The following ASTN2 variants were observed in gnomAD, a reference collection of about 807,000 sequenced individuals.
ASTN2 encodes astrotactin-2.
Under a neutral mutation model 139.8 loss-of-function variants are expected in ASTN2, and 54 were observed. The observed-to-expected ratio is 0.39, with a 90% CI of 0.31 to 0.48. ASTN2 has a LOEUF of 0.48. Ranked by LOEUF, ASTN2 falls within the 20% of genes least tolerant of loss-of-function variation. ASTN2 has a pLI of 0.95. For missense variants in ASTN2, 1,565 were observed against 1,725.1 expected (o/e 0.91, Z 1.64); for synonymous variants, 756 against 719.5 (o/e 1.05, Z -0.81).
At chr9:116,729,166 C>T (rs1828711623) in intron 14 of ASTN2, 70 bp from the exon 15 acceptor site, 3 of 1,200,344 alleles carry the variant, frequency 2.5e-6, no homozygotes, top group African/African-American at 1.5e-5. Flanking sequence ...GTTCACCCTG[C>T]AGCTCTTGGC....
intron 1 of ASTN2, among the ~76,000 whole-genome samples, chr9:117,324,298 C>T (rs1467156216): frequency 8.5e-5 from 13 of 152,164 alleles, no homozygotes. Flanking sequence ...TTAGTCCATT[C>T]TCACACTGCT....
At chr9:116,595,583 C>A (rs1368682917) in intron 19 of ASTN2, among the ~76,000 whole-genome samples, 1 of 152,082 alleles carries the variant, frequency 6.6e-6, no homozygotes, top group Non-Finnish European at 1.5e-5. Context: ...CCTCAACCTC[C>A]CAAAGTGCTG....
chr9:116,890,474 G>A (rs1231495182), intron 10 of ASTN2, among the ~76,000 whole-genome samples: 2 of 152,104 alleles, frequency 1.3e-5, no homozygotes, highest in Non-Finnish European at 2.9e-5. Flanking sequence ...GATATCTCAG[G>A]TCCATGCACA....
intron 10 of ASTN2, among the ~76,000 whole-genome samples, chr9:116,886,949 G>C (rs1424750807): frequency 6.6e-6 from 1 of 152,066 alleles, no homozygotes; most frequent in Non-Finnish European, 1.5e-5. Flanking sequence ...TAGTAAGGAG[G>C]TCAGGGATGG....
intron 10 of ASTN2, among the ~76,000 whole-genome samples, chr9:116,924,907 C>A (rs1670848490): frequency 6.6e-6 from 1 of 152,148 alleles, no homozygotes; most frequent in African/African-American, 2.4e-5. Context: ...GTCTCAGCCT[C>A]ATTTTGCCCA....
intron 16 of ASTN2, among the ~76,000 whole-genome samples, chr9:116,713,851 T>C (rs1020529364): frequency 1.3e-5 from 2 of 152,196 alleles, no homozygotes; most frequent in Non-Finnish European, 2.9e-5. Context: ...GCATATCTCC[T>C]GGCATGTAGT....
intron 2 of ASTN2, among the ~76,000 whole-genome samples, chr9:117,288,323 C>T (rs908929135): frequency 2.6e-5 from 4 of 152,288 alleles, no homozygotes; most frequent in Non-Finnish European, 5.9e-5. Context: ...TAGCAGGTTC[C>T]AGTGGCTGAA....
intron 10 of ASTN2, among the ~76,000 whole-genome samples, chr9:116,889,349 C>T (rs1833699495): frequency 6.6e-6 from 1 of 152,142 alleles, no homozygotes; most frequent in African/African-American, 2.4e-5. Context: ...ATTCATGTCT[C>T]AGGGCCCAGC....
intron 3 of ASTN2, among the ~76,000 whole-genome samples, chr9:117,213,229 A>T (rs2133019045): frequency 6.6e-6 from 1 of 152,326 alleles, no homozygotes; most frequent in East Asian, 1.9e-4. Context: ...GAAGCTGAAA[A>T]TAATTGACCT....
intron 1 of ASTN2, among the ~76,000 whole-genome samples, chr9:117,319,465 A>G (rs1414177): frequency 0.51 from 77,134 of 151,916 alleles, 19,773 homozygotes; most frequent in African/African-American, 0.55. Flanking sequence ...ATCTCACTCT[A>G]TTGCCCAGGC....
At chr9:117,386,392 A>T (rs1048266309) in intron 1 of ASTN2, among the ~76,000 whole-genome samples, 1 of 152,134 alleles carries the variant, frequency 6.6e-6, no homozygotes, top group South Asian at 2.1e-4. Context: ...GAAGACATGG[A>T]TATGTACCCA....
At chr9:116,523,844 C>T (rs1318836792) in intron 19 of ASTN2, among the ~76,000 whole-genome samples, 2 of 152,242 alleles carry the variant, frequency 1.3e-5, no homozygotes, top group African/African-American at 2.4e-5. Context: ...TACTTTGGTA[C>T]TTTAAAAGCC....
At position 116,907,784 on chromosome 9, in the gene ASTN2, G is replaced by A. The variant is rs573690737; in HGVS notation, c.1890-44051C>T. Reference sequence around the variant, plus strand: ...TGGGAGGGAATGGAGGATGACAGAAGGCGGGAGGTAAGGTGCTGCAGGAAA... The same window carrying A: ...TGGGAGGGAATGGAGGATGACAGAAAGCGGGAGGTAAGGTGCTGCAGGAAA... On this transcript the variant is annotated intron_variant, in intron 10 of 22. Transcript: ENST00000313400. Among the ~76,000 whole-genome samples the A allele has an allele frequency of 3.3e-5, 5 of 152,336 alleles. No individual in the cohort carries two copies. In the South Asian group the frequency reaches 8.3e-4, roughly 25 times the overall value.
intron 10 of ASTN2, among the ~76,000 whole-genome samples, chr9:116,920,064 G>A (rs1020106066): frequency 6.6e-6 from 1 of 152,142 alleles, no homozygotes; most frequent in Admixed American, 6.6e-5. Flanking sequence ...GACAAGTCTT[G>A]TTTCAAATGC....
chr9:116,671,674 AG>A (rs1433942629), intron 16 of ASTN2, among the ~76,000 whole-genome samples: 2 of 140,048 alleles, frequency 1.4e-5, no homozygotes, highest in Non-Finnish European at 3.1e-5. Context: ...CCATTGTATT[AG>A]ACTCCCTCTT....
chr9:117,274,178 G>A (rs552998118), intron 2 of ASTN2, among the ~76,000 whole-genome samples: 1 of 151,992 alleles, frequency 6.6e-6, no homozygotes. Context: ...GCGAAACCCC[G>A]TCTCTACTAA....
intron 2 of ASTN2, among the ~76,000 whole-genome samples, chr9:117,233,556 C>T (rs935172805): frequency 2.8e-4 from 42 of 152,106 alleles, no homozygotes; most frequent in Non-Finnish European, 5.3e-4. Context: ...CCAAAATGAA[C>T]ATCAAATTAC....
intron 1 of ASTN2, among the ~76,000 whole-genome samples, chr9:117,413,430 G>GACAA (rs1831226816): frequency 6.6e-6 from 1 of 152,238 alleles, no homozygotes; most frequent in Non-Finnish European, 1.5e-5. Context: ...GCTGTTGTTG[G>GACAA]CCAGACTCCG....
At chr9:117,209,715 A>T (rs1832057478) in intron 3 of ASTN2, among the ~76,000 whole-genome samples, 1 of 152,134 alleles carries the variant, frequency 6.6e-6, no homozygotes, top group Admixed American at 6.5e-5. Context: ...TGTGATAGAC[A>T]ATTACATAAT....
Sources: allele counts gnomAD v4.1 joint callset (sites outside exome capture counted in the v4.1 genomes callset), GRCh38; gene constraint gnomAD v4.1.1; transcripts MANE v1.5; gene names NCBI Gene and HGNC (gene_info 2026-07-23, HGNC 2026-07-21).